Variants in ELAVL4 observed in about 807,000 individuals in gnomAD.
ELAVL4 encodes ELAV-like protein 4.
A neutral mutation model predicts 35.6 loss-of-function variants in ELAVL4; 1 was observed. The observed-to-expected ratio is 0.03, with a 90% confidence interval of 0.01 to 0.13. ELAVL4 has a LOEUF of 0.13. Ranked by LOEUF, ELAVL4 falls within the 10% of genes least tolerant of loss-of-function variation. The probability of loss-of-function intolerance (pLI) is 1.00; values close to 1 mark genes in which losing one functional copy is unlikely to be tolerated. For missense variants in ELAVL4, 267 were observed against 464.9 expected (o/e 0.57, Z 3.91); for synonymous variants, 156 against 171.0 (o/e 0.91, Z 0.69).
rs541861409 is a variant in ELAVL4, at chr1:50,166,636, C to T, written c.251-10453C>T. On this transcript the variant is annotated intron_variant, in intron 2 of 6. Coordinates refer to ENST00000371824, the MANE Select transcript of ELAVL4 (RefSeq NM_001144774.3). ...AACCTTCATTCCTGAGGTGTCTGGG[C>T]CATTTGCAGTCCTGCCTGGATTGGA... 4.9e-4 allele frequency among the ~76,000 whole-genome samples: 75 copies of T among 152,282 alleles called. 1 individual carries two copies. Among genetic ancestry groups the T allele is most frequent in the African/African-American group, 1.7e-3 (70 of 41,564 alleles).
At chr1:50,128,906 AT>A (rs1670400881) in intron 1 of ELAVL4, among the ~76,000 whole-genome samples, 1 of 152,006 alleles carries the variant, frequency 6.6e-6, no homozygotes, top group Admixed American at 6.6e-5. Flanking sequence ...CCATGTGAAT[AT>A]TGGCTAGTTA....
intron 1 of ELAVL4, among the ~76,000 whole-genome samples, chr1:50,081,743 T>C (rs1224245339): frequency 6.6e-6 from 1 of 152,192 alleles, no homozygotes; most frequent in Non-Finnish European, 1.5e-5. Context: ...GTTTGTTACA[T>C]AGGTATACAC....
chr1:50,099,017 T>TTA (rs1393158600), upstream of ELAVL4, among the ~76,000 whole-genome samples: 1 of 152,252 alleles, frequency 6.6e-6, no homozygotes, highest in South Asian at 2.1e-4. Flanking sequence ...AGGAAAGGGC[T>TTA]TTTTATAATA....
intron 1 of ELAVL4, among the ~76,000 whole-genome samples, chr1:50,070,900 C>G (rs773133395): frequency 6.6e-6 from 1 of 152,188 alleles, no homozygotes; most frequent in Non-Finnish European, 1.5e-5. Flanking sequence ...CTAACTGTGG[C>G]TTGCAACATC....
chr1:50,160,817 C>A (rs1676668247), intron 2 of ELAVL4, among the ~76,000 whole-genome samples: 1 of 152,186 alleles, frequency 6.6e-6, no homozygotes, highest in Non-Finnish European at 1.5e-5. Flanking sequence ...TACTCTGTGC[C>A]AAGCCCTCTC....
intron 2 of ELAVL4, among the ~76,000 whole-genome samples, chr1:50,166,767 G>T (rs1451969228): frequency 6.6e-6 from 1 of 152,122 alleles, no homozygotes; most frequent in Non-Finnish European, 1.5e-5. Flanking sequence ...CTCCATTGTG[G>T]AGTAGTAGAC....
intron 5 of ELAVL4, 51 bp from the exon 6 acceptor site, chr1:50,197,378 G>C (rs781727903): frequency 6.5e-7 from 1 of 1,532,176 alleles, no homozygotes; most frequent in Admixed American, 2.3e-5. Context: ...TCCATTGAGC[G>C]ATCTTGCCAT....
chr1:50,070,858 G>T (rs1429656622), intron 1 of ELAVL4, among the ~76,000 whole-genome samples: 2 of 152,064 alleles, frequency 1.3e-5, no homozygotes, highest in African/African-American at 4.8e-5. Flanking sequence ...TACTCCATAG[G>T]ACTGTTGGTG....
intron 2 of ELAVL4, among the ~76,000 whole-genome samples, chr1:50,145,418 A>T (rs1346374158): frequency 6.6e-6 from 1 of 152,192 alleles, no homozygotes; most frequent in Admixed American, 6.5e-5. Flanking sequence ...CTTCATCTTC[A>T]TGTAAAATGA....
At chr1:50,149,793 C>T (rs1050626900) in intron 2 of ELAVL4, among the ~76,000 whole-genome samples, 2 of 152,090 alleles carry the variant, frequency 1.3e-5, no homozygotes, top group South Asian at 2.1e-4. Flanking sequence ...CTGCCTGCCT[C>T]GGCCTCCCAA....
rs1020163608 is a variant in ELAVL4, at chr1:50,193,752, T to G, written c.355-13T>G. On this transcript the variant is annotated splice_polypyrimidine_tract_variant and intron_variant, in intron 3 of 6. Coordinates refer to ENST00000371824, the MANE Select transcript of ELAVL4 (RefSeq NM_001144774.3). ...TGCCTATAATGGAATTAGCTCCTCT[T>G]GCCTTTTCCTAGGTCTCATATGCCC... The G allele has an allele frequency of 6.2e-7, 1 of 1,611,138 alleles. No individual in the cohort carries two copies.
intron 2 of ELAVL4, among the ~76,000 whole-genome samples, chr1:50,154,536 C>A (rs1434173878): frequency 2.6e-5 from 4 of 152,162 alleles, no homozygotes; most frequent in African/African-American, 9.7e-5. Flanking sequence ...AATGGAATTT[C>A]TCATCACAAA....
chr1:50,148,099 C>T (rs367958971), intron 2 of ELAVL4, among the ~76,000 whole-genome samples: 5 of 152,180 alleles, frequency 3.3e-5, no homozygotes, highest in Admixed American at 2.0e-4. Context: ...ACTTGCTAAG[C>T]GCTGGACATA....
rs1666640603 is a variant in ELAVL4, at chr1:50,109,131, C to A, written c.-59C>A. 13 of 1,548,146 alleles carry A rather than the reference C, an allele frequency of 8.4e-6. No homozygotes were observed. The highest frequency in any genetic ancestry group is 1.1e-5 in the Non-Finnish European group (13 of 1,146,032). On this transcript the variant is annotated 5_prime_UTR_variant, in exon 1 of 7. Transcript: ENST00000371824. ...TCATTTTAAATATATATTCTGAAAT[C>A]TTTGCAAATTTTAACAGAAGAGTCG...
chr1:50,109,736 A>T lies in ELAVL4; in HGVS notation c.9+538A>T, dbSNP rs571005337. 87 of 611,436 alleles carry T rather than the reference A, an allele frequency of 1.4e-4. No individual in the cohort carries two copies. In the African/African-American group the frequency reaches 1.5e-3, roughly 11 times the overall value. The allele number at this position is 611,436 out of a possible 1,614,324, so 37.9% of individuals were successfully genotyped here. A position where few individuals can be genotyped will look rare whatever the true frequency, so the allele number is the denominator to read the frequency against. ...GAGTGATTTATTTGGGCTTCAGTAA[A>T]TGCTGCATCTTGTATTTCAAAGAGT... On this transcript the variant is annotated intron_variant, in intron 1 of 6. Coordinates refer to ENST00000371824, the MANE Select transcript of ELAVL4 (RefSeq NM_001144774.3).
Position 50,109,016 on chromosome 1 carries a change from C to CGGGGGGGGGGGGGGGGGGG in ELAVL4, c.-174_-173insGGGGGGGGGGGGGGGGGGG. On this transcript the variant is annotated 5_prime_UTR_variant, in exon 1 of 7. Transcript: ENST00000371824. Reference sequence around the variant, plus strand: ...CTCCTTTTCTTTTTTTTCTTTCTCTCCCCCGCCCACCCCCCCAAAAATAAT... The same window carrying CGGGGGGGGGGGGGGGGGGG: ...CTCCTTTTCTTTTTTTTCTTTCTCTCGGGGGGGGGGGGGGGGGGGCCCCGCCCACCCCCCCAAAAATAAT... The CGGGGGGGGGGGGGGGGGGG allele has an allele frequency of 2.2e-6, 2 of 905,716 alleles. No homozygotes were observed. Among genetic ancestry groups the CGGGGGGGGGGGGGGGGGGG allele is most frequent in the South Asian group, 5.1e-5 (1 of 19,490 alleles). The allele number at this position is 905,716 out of a possible 1,614,324, so 56.1% of individuals were successfully genotyped here.
chr1:50,096,723 A>G (rs959537094), intron 1 of ELAVL4, among the ~76,000 whole-genome samples: 6 of 152,194 alleles, frequency 3.9e-5, no homozygotes, highest in Non-Finnish European at 7.3e-5. Context: ...AAGTAGCAGC[A>G]TGTTACACCC....
intron 1 of ELAVL4, among the ~76,000 whole-genome samples, chr1:50,080,652 T>C (rs1341216423): frequency 6.6e-6 from 1 of 152,236 alleles, no homozygotes; most frequent in African/African-American, 2.4e-5. Flanking sequence ...AGAATTTTTA[T>C]GCTGCTGTGT....
chr1:50,163,730 G>C (rs1430910978), intron 2 of ELAVL4, among the ~76,000 whole-genome samples: 1 of 152,142 alleles, frequency 6.6e-6, no homozygotes, highest in Non-Finnish European at 1.5e-5. Flanking sequence ...GGAGGCTAAG[G>C]CATGAGAATT....
Sources: allele counts gnomAD v4.1 joint callset (sites outside exome capture counted in the v4.1 genomes callset), GRCh38; gene constraint gnomAD v4.1.1; transcripts MANE v1.5; gene names NCBI Gene and HGNC (gene_info 2026-07-23, HGNC 2026-07-21).